The following CNTNAP5 variants were observed in gnomAD, a reference collection of about 807,000 sequenced individuals.
The protein encoded by CNTNAP5 is contactin associated protein family member 5.
A neutral mutation model predicts 150.2 loss-of-function variants in CNTNAP5; 72 were observed. The ratio of observed to expected loss-of-function variants is 0.48; its 90% CI spans 0.40 to 0.58. CNTNAP5 has a LOEUF of 0.58. Ranked by LOEUF, CNTNAP5 falls within the 20% of genes least tolerant of loss-of-function variation. CNTNAP5 has a pLI of 0.00. For synonymous variants in CNTNAP5, 672 were observed against 619.8 expected, an observed-to-expected ratio of 1.08 and a Z score of -1.25; for missense variants, 1,636 against 1,626.2, an observed-to-expected ratio of 1.01 and a Z score of -0.10.
chr2:124,639,280 G>A (rs572124907), intron 12 of CNTNAP5, among the ~76,000 whole-genome samples: 4 of 152,176 alleles, frequency 2.6e-5, no homozygotes, highest in Non-Finnish European at 5.9e-5. Context: ...ACCCGTTGGA[G>A]AGGCCACCAG....
intron 10 of CNTNAP5, among the ~76,000 whole-genome samples, chr2:124,539,678 G>A (rs748991997): frequency 9.2e-5 from 14 of 152,242 alleles, no homozygotes; most frequent in African/African-American, 1.9e-4. Context: ...GACTGAGATC[G>A]GAAAGAAAAG....
At position 124,227,640 on chromosome 2, in the gene CNTNAP5, A is replaced by ATGTGTGTGTG. The variant is rs200129722; in HGVS notation, c.187+5861_187+5870dup. On this transcript the variant is annotated intron_variant, in intron 2 of 23. Coordinates refer to ENST00000682447, the MANE Select transcript of CNTNAP5 (RefSeq NM_001367498.1). ...AATATAAACTCAGCACATCGTGTGTATGTGTGTGTGTGTGTGTGTGTGTGT... is the reference window on the plus strand; with the variant it reads ...AATATAAACTCAGCACATCGTGTGTATGTGTGTGTGTGTGTGTGTGTGTGTGTGTGTGTGT... Among the ~76,000 whole-genome samples the ATGTGTGTGTG allele has an allele frequency of 9.6e-3, 1,379 of 143,380 alleles. 20 individuals are homozygous for ATGTGTGTGTG. The highest frequency in any genetic ancestry group is 0.021 in the African/African-American group (803 of 37,490). 94.1% of individuals were successfully genotyped at this position (143,380 alleles called of 152,430 possible). A position where few individuals can be genotyped will look rare whatever the true frequency, so the allele number is the denominator to read the frequency against.
intron 12 of CNTNAP5, among the ~76,000 whole-genome samples, chr2:124,613,402 G>C (rs1677425980): frequency 6.6e-6 from 1 of 152,178 alleles, no homozygotes; most frequent in South Asian, 2.1e-4. Context: ...CCTTGTGCCT[G>C]TCAGCTCAGT....
chr2:124,857,591 C>T (rs1047675640), intron 19 of CNTNAP5, among the ~76,000 whole-genome samples: 3 of 151,512 alleles, frequency 2.0e-5, no homozygotes, highest in Non-Finnish European at 2.9e-5. Flanking sequence ...TTTGGGAGGC[C>T]GAGGCGGGTG....
At chr2:124,304,738 C>T (rs1688640794) in intron 3 of CNTNAP5, among the ~76,000 whole-genome samples, 1 of 152,108 alleles carries the variant, frequency 6.6e-6, no homozygotes, top group African/African-American at 2.4e-5. Context: ...TACAAATGGC[C>T]AGAGGCTTCC....
chr2:124,611,625 C>T (rs533141613), intron 12 of CNTNAP5, among the ~76,000 whole-genome samples: 3 of 152,270 alleles, frequency 2.0e-5, no homozygotes, highest in South Asian at 4.1e-4. Context: ...GCTAAAAAGG[C>T]AGATTTCCCA....
chr2:124,307,926 A>T (rs1228295623), intron 3 of CNTNAP5, among the ~76,000 whole-genome samples: 1 of 152,212 alleles, frequency 6.6e-6, no homozygotes, highest in African/African-American at 2.4e-5. Flanking sequence ...CTGGATCAGA[A>T]CCTACAATAT....
Position 124,607,106 on chromosome 2 carries a change from C to A in CNTNAP5, c.1757-2695C>A, listed in dbSNP as rs72841380. ...CTGTAGTCTAATGAGACAATTTATA[C>A]TTCGAGAGTTGATTAGCTACCTATT... is the stretch of plus-strand genomic sequence containing the variant. On this transcript the variant is annotated intron_variant, in intron 11 of 23. Coordinates refer to ENST00000682447, the MANE Select transcript of CNTNAP5 (RefSeq NM_001367498.1). Among the ~76,000 whole-genome samples the A allele has an allele frequency of 8.8e-3, 1,336 of 152,230 alleles. 8 individuals carry two copies. The highest frequency in any genetic ancestry group is 0.015 in the Non-Finnish European group (1,011 of 68,004).
chr2:124,706,153 G>A (rs774157049), intron 13 of CNTNAP5, among the ~76,000 whole-genome samples: 2 of 152,126 alleles, frequency 1.3e-5, no homozygotes, highest in Non-Finnish European at 2.9e-5. Flanking sequence ...CTCCAGCAAA[G>A]GGACTTACCC....
At chr2:124,751,489 T>A (rs1158087583) in intron 14 of CNTNAP5, among the ~76,000 whole-genome samples, 1 of 152,200 alleles carries the variant, frequency 6.6e-6, no homozygotes, top group Non-Finnish European at 1.5e-5. Flanking sequence ...GAAAATGCAT[T>A]TATTATTTAT....
At chr2:124,862,286 C>T (rs549601842) in intron 19 of CNTNAP5, among the ~76,000 whole-genome samples, 20 of 152,272 alleles carry the variant, frequency 1.3e-4, no homozygotes, top group African/African-American at 4.3e-4. Flanking sequence ...ACCAAATAGA[C>T]AATAAATGCA....
chr2:124,905,126 G>GT (rs55885763), intron 22 of CNTNAP5, among the ~76,000 whole-genome samples: 54,208 of 126,804 alleles, frequency 0.43, 11,383 homozygotes, highest in African/African-American at 0.46. Flanking sequence ...GTTTTTTTTT[G>GT]TTTTTTTTTT....
chr2:124,908,911 G>A (rs1200740991), intron 22 of CNTNAP5, among the ~76,000 whole-genome samples: 2 of 152,054 alleles, frequency 1.3e-5, no homozygotes, highest in East Asian at 3.9e-4. Context: ...TATAAAGAAA[G>A]AAAATATTTT....
chr2:124,713,382 C>CTTT, intron 13 of CNTNAP5, among the ~76,000 whole-genome samples: 1 of 66,590 alleles, frequency 1.5e-5, no homozygotes, highest in Admixed American at 1.6e-4. Flanking sequence ...TTTCTTTCTT[C>CTTT]TCCCTCTTTT....
chr2:124,880,933 T>C (rs1311883104), intron 21 of CNTNAP5, among the ~76,000 whole-genome samples: 2 of 152,086 alleles, frequency 1.3e-5, no homozygotes, highest in African/African-American at 2.4e-5. Context: ...ATAGATGGAG[T>C]ACATTCCAGG....
chr2:124,269,470 T>A (rs1687688883), intron 3 of CNTNAP5, among the ~76,000 whole-genome samples: 2 of 152,082 alleles, frequency 1.3e-5, no homozygotes, highest in Non-Finnish European at 2.9e-5. Flanking sequence ...CAGGGCTCTG[T>A]TGATTTCCCA....
chr2:124,875,047 C>T (rs747499911), intron 21 of CNTNAP5, among the ~76,000 whole-genome samples: 3 of 152,016 alleles, frequency 2.0e-5, no homozygotes, highest in Non-Finnish European at 2.9e-5. Flanking sequence ...TCTGTGAGCA[C>T]TTACACATGA....
chr2:124,295,739 G>A (rs1688412495), intron 3 of CNTNAP5, among the ~76,000 whole-genome samples: 1 of 114,776 alleles, frequency 8.7e-6, no homozygotes. Flanking sequence ...CTAAACAAAA[G>A]GTGGATTATT....
chr2:124,658,770 C>T (rs1333502587), intron 13 of CNTNAP5, among the ~76,000 whole-genome samples: 1 of 152,134 alleles, frequency 6.6e-6, no homozygotes, highest in African/African-American at 2.4e-5. Flanking sequence ...TATAAACAAA[C>T]ATATTTGGTG....
Sources: allele counts gnomAD v4.1 joint callset (sites outside exome capture counted in the v4.1 genomes callset), GRCh38; gene constraint gnomAD v4.1.1; transcripts MANE v1.5; gene names NCBI Gene and HGNC (gene_info 2026-07-23, HGNC 2026-07-21).